The following NR5A2 variants were observed in gnomAD, a reference collection of about 807,000 sequenced individuals.
NR5A2 encodes the protein CYP7A promoter-binding factor.
NR5A2 carries 26 observed loss-of-function variants against 62.7 expected under a neutral mutation model. The observed-to-expected ratio is 0.41, with a 90% confidence interval of 0.30 to 0.58. The LOEUF (loss-of-function observed/expected upper bound fraction) is 0.58. NR5A2 is among the 20% of genes least tolerant of loss of function. The probability of loss-of-function intolerance (pLI) is 0.22; values close to 1 mark genes in which losing one functional copy is unlikely to be tolerated. For missense variants in NR5A2, 541 were observed against 669.1 expected, an observed-to-expected ratio of 0.81 and a Z score of 2.11; for synonymous variants, 246 against 241.7, an observed-to-expected ratio of 1.02 and a Z score of -0.16.
intron 5 of NR5A2, among the ~76,000 whole-genome samples, chr1:200,070,126 AGTT>A (rs1385007886): frequency 2.6e-5 from 4 of 152,156 alleles, no homozygotes; most frequent in Non-Finnish European, 4.4e-5. Context: ...GCAGGGTAGT[AGTT>A]TTGTATACAG....
intron 7 of NR5A2, among the ~76,000 whole-genome samples, chr1:200,169,936 G>C (rs1437652823): frequency 6.6e-6 from 1 of 152,186 alleles, no homozygotes; most frequent in Non-Finnish European, 1.5e-5. Context: ...CAGAAGAACT[G>C]GTGGAAATTT....
intron 5 of NR5A2, among the ~76,000 whole-genome samples, chr1:200,050,943 A>G (rs766798642): frequency 9.9e-5 from 15 of 152,182 alleles, no homozygotes; most frequent in Admixed American, 3.3e-4. Context: ...TTTATGAAAA[A>G]TGTGCAGAAT....
At chr1:200,169,457 T>C (rs930690309) in intron 7 of NR5A2, among the ~76,000 whole-genome samples, 1 of 152,182 alleles carries the variant, frequency 6.6e-6, no homozygotes, top group Non-Finnish European at 1.5e-5. Context: ...GGCTGCACCA[T>C]TATGGCAGCT....
At chr1:200,033,632 T>A (rs892337141) in intron 1 of NR5A2, among the ~76,000 whole-genome samples, 17 of 152,116 alleles carry the variant, frequency 1.1e-4, no homozygotes, top group Non-Finnish European at 2.1e-4. Context: ...GGAATCAACT[T>A]CCCAGTTTCC....
chr1:200,055,111 T>A (rs1662851699), intron 5 of NR5A2, among the ~76,000 whole-genome samples: 1 of 152,054 alleles, frequency 6.6e-6, no homozygotes, highest in Non-Finnish European at 1.5e-5. Flanking sequence ...CCCAGGCTGG[T>A]CTGGAACTCC....
intron 3 of NR5A2, 155 bp downstream of exon 3, chr1:200,044,047 T>G: frequency 1.9e-6 from 1 of 517,912 alleles, no homozygotes; most frequent in Non-Finnish European, 3.4e-6. Flanking sequence ...TTCTTAGAAG[T>G]GTGTGTCTGA....
intron 7 of NR5A2, among the ~76,000 whole-genome samples, chr1:200,164,086 T>C (rs947614525): frequency 6.6e-6 from 1 of 152,054 alleles, no homozygotes; most frequent in Non-Finnish European, 1.5e-5. Flanking sequence ...ACACATACTC[T>C]CTCTCTCTGG....
At chr1:200,119,266 C>T (rs1329701506) in intron 6 of NR5A2, among the ~76,000 whole-genome samples, 2 of 152,188 alleles carry the variant, frequency 1.3e-5, no homozygotes, top group Non-Finnish European at 2.9e-5. Context: ...GACTAGTTCT[C>T]CTGCTTAGGA....
chr1:200,064,460 G>A (rs1663378265), intron 5 of NR5A2, among the ~76,000 whole-genome samples: 1 of 152,208 alleles, frequency 6.6e-6, no homozygotes, highest in African/African-American at 2.4e-5. Flanking sequence ...AAAATACAGA[G>A]GCTTTGGCAT....
intron 7 of NR5A2, among the ~76,000 whole-genome samples, chr1:200,133,634 T>C (rs561735854): frequency 1.3e-5 from 2 of 149,822 alleles, no homozygotes; most frequent in East Asian, 3.9e-4. Flanking sequence ...CACGTATATA[T>C]GTACATATAT....
chr1:200,034,812 TTTA>T (rs1558094007), intron 1 of NR5A2, among the ~76,000 whole-genome samples: 2 of 94,108 alleles, frequency 2.1e-5, no homozygotes, highest in Non-Finnish European at 4.3e-5. Context: ...TTTTTTTTTT[TTTA>T]AACAAGGCAC....
chr1:200,131,682 G>A (rs915314880), intron 7 of NR5A2, among the ~76,000 whole-genome samples: 1 of 152,174 alleles, frequency 6.6e-6, no homozygotes. Flanking sequence ...GTTGGTTAAC[G>A]TGGTTAGCCC....
At chr1:200,086,037 G>C (rs1007022206) in intron 5 of NR5A2, among the ~76,000 whole-genome samples, 2 of 152,238 alleles carry the variant, frequency 1.3e-5, no homozygotes, top group Non-Finnish European at 2.9e-5. Flanking sequence ...TAGAATAGAG[G>C]GTGGTGAGAT....
chr1:200,084,674 T>C (rs944832599), intron 5 of NR5A2, among the ~76,000 whole-genome samples: 1 of 152,202 alleles, frequency 6.6e-6, no homozygotes, highest in African/African-American at 2.4e-5. Flanking sequence ...TTATTCGTAA[T>C]GAATAACAAG....
intron 5 of NR5A2, among the ~76,000 whole-genome samples, chr1:200,104,994 C>A (rs1665577880): frequency 6.6e-6 from 1 of 151,646 alleles, no homozygotes; most frequent in Admixed American, 6.6e-5. Context: ...GGGTTTTGCT[C>A]TGTTGCGCAG....
chr1:200,043,777 C>G lies in NR5A2; in HGVS notation c.206C>G (p.Ser69Cys), dbSNP rs1662230320. The change falls in exon 3 of 8, where the codon TCT becomes TGT. Residue 69 changes from serine (S) to cysteine (C), a missense_variant. Ser to Cys is a moderately radical substitution (Grantham distance 112, BLOSUM62 -1). Coordinates refer to ENST00000367362, the MANE Select transcript of NR5A2 (RefSeq NM_205860.3). Reference sequence around the variant, plus strand: ...TACATTTCTCTTTTTGTTTCAGTGTCTCAATTTAAAATGGTGAATTACTCC... The same window carrying G: ...TACATTTCTCTTTTTGTTTCAGTGTGTCAATTTAAAATGGTGAATTACTCC... Reference protein sequence around the residue: ...QGQMPENMQVSQFKMVNYSYD... With the variant: ...QGQMPENMQVCQFKMVNYSYD... 6.3e-7 allele frequency: 1 copy of G among 1,598,242 alleles called. No homozygotes were observed. Among genetic ancestry groups the G allele is most frequent in the African/African-American group, 1.3e-5 (1 of 74,656 alleles).
intron 5 of NR5A2, among the ~76,000 whole-genome samples, chr1:200,070,222 G>A (rs771910323): frequency 4.6e-5 from 7 of 152,052 alleles, no homozygotes; most frequent in Non-Finnish European, 1.0e-4. Context: ...TGAATGGATG[G>A]CAGAGCCCCT....
In NR5A2 at chr1:200,027,843, T is replaced by C. The variant is rs763475263; in HGVS notation, c.-5T>C. 1 of 1,598,448 alleles carries C rather than the reference T, an allele frequency of 6.3e-7. No homozygotes were observed. Among genetic ancestry groups the C allele is most frequent in the South Asian group, 1.1e-5 (1 of 87,360 alleles). ...GCCAAAGAACTGCCTATAATTTCAC[T>C]AAGAATGTCTTCTAATTCAGATACT... On this transcript the variant is annotated 5_prime_UTR_variant, in exon 1 of 8. Transcript: ENST00000367362.
intron 7 of NR5A2, among the ~76,000 whole-genome samples, chr1:200,172,300 T>A (rs1473253773): frequency 2.0e-5 from 3 of 152,218 alleles, no homozygotes; most frequent in Non-Finnish European, 2.9e-5. Context: ...TTTAAGTAAC[T>A]TAAAATCATT....
Sources: gnomAD v4.1 joint callset for allele counts (sites outside exome capture counted in the v4.1 genomes callset) on GRCh38, gnomAD v4.1.1 for gene constraint, MANE v1.5 for transcripts, NCBI Gene and HGNC (gene_info 2026-07-23, HGNC 2026-07-21) for gene names.